Variants in ST6GALNAC3 observed in about 807,000 individuals in gnomAD.
ST6GALNAC3 encodes alpha-N-acetylgalactosaminide alpha-2,6-sialyltransferase 3.
A neutral mutation model predicts 32.7 loss-of-function variants in ST6GALNAC3; 25 were observed. That is an observed-to-expected ratio of 0.76 (90% CI 0.56 to 1.07). The LOEUF is 1.07. Ranked by LOEUF, ST6GALNAC3 falls within the 50% of genes least tolerant of loss-of-function variation. The probability of loss-of-function intolerance (pLI) is 0.00; values close to 1 mark genes in which losing one functional copy is unlikely to be tolerated. For synonymous variants in ST6GALNAC3, 129 were observed against 133.1 expected, an observed-to-expected ratio of 0.97 and a Z score of 0.21; for missense variants, 355 against 382.4, an observed-to-expected ratio of 0.93 and a Z score of 0.60.
chr1:76,246,839 C>T (rs746782369), intron 1 of ST6GALNAC3, among the ~76,000 whole-genome samples: 3 of 152,160 alleles, frequency 2.0e-5, no homozygotes, highest in Non-Finnish European at 4.4e-5. Flanking sequence ...CAGTTTTGTA[C>T]CCTTGCTGGA....
chr1:76,268,534 G>A (rs1423392592), intron 1 of ST6GALNAC3, among the ~76,000 whole-genome samples: 1 of 152,174 alleles, frequency 6.6e-6, no homozygotes, highest in Non-Finnish European at 1.5e-5. Flanking sequence ...CCATGCACGA[G>A]TGATCTTGAT....
chr1:76,193,323 T>C (rs1020471464), intron 1 of ST6GALNAC3, among the ~76,000 whole-genome samples: 27 of 152,154 alleles, frequency 1.8e-4, no homozygotes, highest in African/African-American at 6.0e-4. Context: ...CAAAAGATTG[T>C]ATATATTTGT....
chr1:76,446,813 T>C (rs561702125), intron 3 of ST6GALNAC3, among the ~76,000 whole-genome samples: 24 of 152,328 alleles, frequency 1.6e-4, no homozygotes, highest in African/African-American at 5.5e-4. Context: ...CCTCCTTGCC[T>C]TCCACCATGA....
intron 2 of ST6GALNAC3, among the ~76,000 whole-genome samples, chr1:76,406,115 G>A (rs149405622): frequency 8.5e-5 from 13 of 152,066 alleles, no homozygotes; most frequent in East Asian, 1.9e-4. Context: ...AAGACCCATC[G>A]TGTGAACATA....
chr1:76,592,644 C>T (rs1447930075), intron 3 of ST6GALNAC3, among the ~76,000 whole-genome samples: 2 of 152,110 alleles, frequency 1.3e-5, no homozygotes, highest in African/African-American at 4.8e-5. Flanking sequence ...TCCTCTTCAC[C>T]TCAGACTTCC....
At chr1:76,157,863 A>G (rs183613605) in intron 1 of ST6GALNAC3, among the ~76,000 whole-genome samples, 20 of 152,350 alleles carry the variant, frequency 1.3e-4, no homozygotes, top group Non-Finnish European at 2.4e-4. Context: ...CCTTTTCCAG[A>G]ATGCCATATA....
rs376044280 is a variant in ST6GALNAC3 at position 76,117,177 on chromosome 1, A to G, written c.18+42293A>G. ...TATGTGCAGGTATTTGTAGATATTTATAATAATTTTGCTTTAGGGCAATCT... is the reference window on the plus strand; with the variant it reads ...TATGTGCAGGTATTTGTAGATATTTGTAATAATTTTGCTTTAGGGCAATCT... On this transcript the variant is annotated intron_variant, in intron 1 of 4. Transcript: ENST00000328299. Among the ~76,000 whole-genome samples the G allele has an allele frequency of 2.1e-4, 32 of 152,326 alleles. No homozygotes were observed. In the East Asian group the frequency reaches 6.0e-3, roughly 28 times the overall value.
chr1:76,190,865 G>A (rs893988262), intron 1 of ST6GALNAC3, among the ~76,000 whole-genome samples: 15 of 152,112 alleles, frequency 9.9e-5, no homozygotes, highest in Non-Finnish European at 1.8e-4. Flanking sequence ...TTAAAAATTG[G>A]TATTGGTTCT....
chr1:76,176,627 C>CT (rs202003329), intron 1 of ST6GALNAC3, among the ~76,000 whole-genome samples: 36 of 150,304 alleles, frequency 2.4e-4, no homozygotes, highest in Non-Finnish European at 3.7e-4. Flanking sequence ...AACAAAATAA[C>CT]TTTTTTTTTT....
At chr1:76,200,613 T>C (rs1654462696) in intron 1 of ST6GALNAC3, among the ~76,000 whole-genome samples, 2 of 152,158 alleles carry the variant, frequency 1.3e-5, no homozygotes, top group Non-Finnish European at 2.9e-5. Context: ...GTACATAAAT[T>C]AGATAATATT....
At chr1:76,209,117 A>G (rs1654996640) in intron 1 of ST6GALNAC3, among the ~76,000 whole-genome samples, 3 of 152,228 alleles carry the variant, frequency 2.0e-5, no homozygotes, top group South Asian at 2.1e-4. Context: ...ATTCTGTAGA[A>G]TTTTCAGACT....
At chr1:76,261,906 CA>C (rs1299966375) in intron 1 of ST6GALNAC3, among the ~76,000 whole-genome samples, 1 of 152,144 alleles carries the variant, frequency 6.6e-6, no homozygotes, top group East Asian at 1.9e-4. Flanking sequence ...GTCACTAAAC[CA>C]CATTTTGAGA....
At chr1:76,320,224 T>C (rs1646940450) in intron 2 of ST6GALNAC3, among the ~76,000 whole-genome samples, 1 of 152,146 alleles carries the variant, frequency 6.6e-6, no homozygotes, top group South Asian at 2.1e-4. Context: ...GTATTGTGCA[T>C]TTTCCTTCAG....
chr1:76,238,138 A>T (rs1656762208), intron 1 of ST6GALNAC3, among the ~76,000 whole-genome samples: 1 of 152,148 alleles, frequency 6.6e-6, no homozygotes, highest in Non-Finnish European at 1.5e-5. Flanking sequence ...TTTCCCTTGC[A>T]ATTTCTTCCC....
intron 3 of ST6GALNAC3, among the ~76,000 whole-genome samples, chr1:76,490,491 T>C (rs934370505): frequency 2.0e-5 from 3 of 149,422 alleles, no homozygotes; most frequent in African/African-American, 7.3e-5. Flanking sequence ...TATATTTATA[T>C]ATCAATATAT....
chr1:76,475,984 A>G (rs1290127467), intron 3 of ST6GALNAC3, among the ~76,000 whole-genome samples: 1 of 152,194 alleles, frequency 6.6e-6, no homozygotes, highest in African/African-American at 2.4e-5. Flanking sequence ...TTTGCTGAGA[A>G]TGACGATTTC....
chr1:76,086,619 A>C (rs1159697358), intron 1 of ST6GALNAC3, among the ~76,000 whole-genome samples: 1 of 152,162 alleles, frequency 6.6e-6, no homozygotes, highest in Non-Finnish European at 1.5e-5. Context: ...AGGGATCGTT[A>C]GCTAGAATGT....
chr1:76,520,304 A>G (rs2101786833), intron 3 of ST6GALNAC3, among the ~76,000 whole-genome samples: 1 of 152,308 alleles, frequency 6.6e-6, no homozygotes, highest in East Asian at 1.9e-4. Context: ...CTCTATAAGG[A>G]TAGGTCATAG....
intron 1 of ST6GALNAC3, among the ~76,000 whole-genome samples, chr1:76,133,700 T>C (rs1047230156): frequency 1.3e-5 from 2 of 152,206 alleles, no homozygotes; most frequent in African/African-American, 4.8e-5. Context: ...AGCAGGAAGA[T>C]CCAGCTGCTG....
Sources: allele counts gnomAD v4.1 joint callset (sites outside exome capture counted in the v4.1 genomes callset), GRCh38; gene constraint gnomAD v4.1.1; transcripts MANE v1.5; gene names NCBI Gene and HGNC (gene_info 2026-07-23, HGNC 2026-07-21).